The following KSR2 variants were observed in gnomAD, a reference collection of about 807,000 sequenced individuals.
KSR2 encodes the protein kinase suppressor of ras 2.
KSR2 carries 25 observed loss-of-function variants against 107.8 expected under a neutral mutation model. That is an observed-to-expected ratio of 0.23 (90% CI 0.17 to 0.32). KSR2 has a LOEUF of 0.32. Ranked by LOEUF, KSR2 falls within the 10% of genes least tolerant of loss-of-function variation. The probability of loss-of-function intolerance (pLI) is 1.00; values close to 1 mark genes in which losing one functional copy is unlikely to be tolerated. For missense variants in KSR2, 887 were observed against 1,268.9 expected, an observed-to-expected ratio of 0.70 and a Z score of 4.57; for synonymous variants, 480 against 507.0, an observed-to-expected ratio of 0.95 and a Z score of 0.71.
chr12:117,697,736 T>C (rs1193263161), intron 4 of KSR2, among the ~76,000 whole-genome samples: 1 of 129,410 alleles, frequency 7.7e-6, no homozygotes, highest in Non-Finnish European at 1.6e-5. Flanking sequence ...CGAGACTCCA[T>C]CTCAAAAAAA....
At chr12:117,769,450 A>G (rs1016767062) in intron 3 of KSR2, among the ~76,000 whole-genome samples, 3 of 152,240 alleles carry the variant, frequency 2.0e-5, no homozygotes, top group Middle Eastern at 3.2e-3. Flanking sequence ...TGAAAGAACA[A>G]GAGTTAATTC....
chr12:117,586,899 T>C (rs1441929957), intron 5 of KSR2, among the ~76,000 whole-genome samples: 1 of 152,190 alleles, frequency 6.6e-6, no homozygotes, highest in Non-Finnish European at 1.5e-5. Flanking sequence ...GTGGCTCAAT[T>C]AATGGAAGTG....
intron 5 of KSR2, among the ~76,000 whole-genome samples, chr12:117,602,115 T>C (rs1295599277): frequency 1.3e-5 from 2 of 152,256 alleles, no homozygotes. Context: ...TGTCACTAGA[T>C]ATTCTTCTTT....
rs1281901335 is a variant in KSR2, at chr12:117,459,582, T to A, written c.*7617A>T. 1 of 152,248 alleles carries A rather than the reference T, an allele frequency of 6.6e-6. No homozygotes were observed. Among genetic ancestry groups the A allele is most frequent in the Non-Finnish European group, 1.5e-5 (1 of 68,046 alleles). The allele number at this position is 152,248 out of a possible 1,614,324, so 9.4% of individuals were successfully genotyped here. A position where few individuals can be genotyped will look rare whatever the true frequency, so the allele number is the denominator to read the frequency against. ...TCTTAGAGGTCCTTCTAGATCACCA[T>A]CCCAATGACTTGGTTGAAGATGAAA... On this transcript the variant is annotated 3_prime_UTR_variant, in exon 20 of 20. Transcript: ENST00000339824.
intron 2 of KSR2, among the ~76,000 whole-genome samples, chr12:117,857,025 G>A (rs1219564579): frequency 6.6e-6 from 1 of 152,114 alleles, no homozygotes; most frequent in East Asian, 1.9e-4. Flanking sequence ...GCCCCTTTAA[G>A]AAAGGTGATG....
chr12:117,597,477 G>C (rs191307405), intron 5 of KSR2, among the ~76,000 whole-genome samples: 3 of 152,148 alleles, frequency 2.0e-5, no homozygotes, highest in African/African-American at 7.2e-5. Context: ...AGGAGCAAAG[G>C]AAGAAGAGGG....
intron 7 of KSR2, among the ~76,000 whole-genome samples, chr12:117,567,641 G>C (rs1198935826): frequency 6.9e-6 from 1 of 145,690 alleles, no homozygotes; most frequent in East Asian, 2.0e-4. Flanking sequence ...ACTGCATTAA[G>C]TGTTCCTGAA....
At chr12:117,714,439 G>A (rs529411046) in intron 4 of KSR2, among the ~76,000 whole-genome samples, 156 of 152,280 alleles carry the variant, frequency 1.0e-3, no homozygotes, top group African/African-American at 3.5e-3. Flanking sequence ...GAATAAGAGC[G>A]AAAAGGAAGA....
chr12:117,939,776 AC>A (rs1895953020), intron 1 of KSR2, among the ~76,000 whole-genome samples: 1 of 151,444 alleles, frequency 6.6e-6, no homozygotes, highest in Admixed American at 6.6e-5. Context: ...CCCCGTCTCT[AC>A]TAAAAATGGA....
In KSR2 at chr12:117,920,844, C is replaced by T. The variant is rs1895318837; in HGVS notation, c.180+47232G>A. Among the ~76,000 whole-genome samples the T allele has an allele frequency of 5.3e-5, 8 of 152,202 alleles. No individual in the cohort carries two copies. In the South Asian group the frequency reaches 1.7e-3, roughly 32 times the overall value. On this transcript the variant is annotated intron_variant, in intron 1 of 19. Coordinates refer to ENST00000339824, the MANE Select transcript of KSR2 (RefSeq NM_173598.6). ...ATGCAAGAGTTTCTGAATTTGGCAC[C>T]CACCTGGCTTCAAAGTGGGTTTGCG...
intron 3 of KSR2, among the ~76,000 whole-genome samples, chr12:117,800,280 C>T (rs532156353): frequency 2.0e-4 from 31 of 152,180 alleles, no homozygotes; most frequent in South Asian, 8.3e-4. Flanking sequence ...TTTATTGAGC[C>T]CACTATACAT....
intron 1 of KSR2, among the ~76,000 whole-genome samples, chr12:117,866,722 G>A (rs1412365053): frequency 6.6e-6 from 1 of 152,008 alleles, no homozygotes; most frequent in East Asian, 1.9e-4. Context: ...TCAGCTACTC[G>A]GGAGGCTGAG....
At chr12:117,502,172 C>T (rs983275094) in intron 14 of KSR2, among the ~76,000 whole-genome samples, 1 of 152,238 alleles carries the variant, frequency 6.6e-6, no homozygotes, top group Non-Finnish European at 1.5e-5. Flanking sequence ...ACTATTTATG[C>T]ACACATGAAC....
chr12:117,476,537 T>G lies in KSR2; in HGVS notation c.2509A>C (p.Ile837Leu). The G allele has an allele frequency of 6.2e-7, 1 of 1,610,756 alleles. No individual in the cohort carries two copies. Among genetic ancestry groups the G allele is most frequent in the East Asian group, 2.2e-5 (1 of 44,786 alleles). ...GWLCHLAPEI[I>L]RQLSPDTEED... ...TCTGTGTCGGGGGACAGCTGGCGGA[T>G]GATCTCTGGTGCCAGGTGGCATAGC... Residue 837 changes from isoleucine (I) to leucine (L), a missense_variant, in exon 17 of 20, where the codon ATC (isoleucine) becomes CTC (leucine). Around this residue, in one of 8 missense-constraint regions of KSR2, gnomAD observed 308 missense variants for 506.2 expected, o/e 0.61. Coordinates refer to ENST00000339824, the MANE Select transcript of KSR2 (RefSeq NM_173598.6).
chr12:117,540,120 C>T (rs1014376393), intron 9 of KSR2, among the ~76,000 whole-genome samples: 1 of 152,064 alleles, frequency 6.6e-6, no homozygotes, highest in Non-Finnish European at 1.5e-5. Flanking sequence ...GCTTGGACCC[C>T]AGAGTGAAAG....
At chr12:117,705,555 A>G (rs1400602301) in intron 4 of KSR2, among the ~76,000 whole-genome samples, 1 of 152,192 alleles carries the variant, frequency 6.6e-6, no homozygotes, top group Non-Finnish European at 1.5e-5. Flanking sequence ...CTACAGCCCC[A>G]GCCTCAACTT....
At chr12:117,473,464 G>C (rs558631657) in intron 17 of KSR2, among the ~76,000 whole-genome samples, 24 of 152,250 alleles carry the variant, frequency 1.6e-4, no homozygotes, top group African/African-American at 5.5e-4. Flanking sequence ...ACTCCAAGAT[G>C]GTGCCACTGG....
chr12:117,657,801 T>A (rs1439994695), intron 5 of KSR2, among the ~76,000 whole-genome samples: 1 of 152,338 alleles, frequency 6.6e-6, no homozygotes, highest in African/African-American at 2.4e-5. Flanking sequence ...TATTCAAAAC[T>A]ATTTTGTGTG....
intron 3 of KSR2, among the ~76,000 whole-genome samples, chr12:117,761,970 C>A (rs535612749): frequency 1.3e-5 from 2 of 152,160 alleles, no homozygotes; most frequent in Non-Finnish European, 2.9e-5. Context: ...ACATCATACC[C>A]ACATTACATC....
Sources: allele counts gnomAD v4.1 joint callset (sites outside exome capture counted in the v4.1 genomes callset), GRCh38; gene constraint gnomAD v4.1.1; regional missense constraint gnomAD v4.1.1; transcripts MANE v1.5; gene names NCBI Gene and HGNC (gene_info 2026-07-23, HGNC 2026-07-21).